CLCA4: variants seen among roughly 807,000 people sequenced by gnomAD.
CLCA4 encodes the protein chloride channel accessory 4, also known as calcium-activated chloride channel regulator 4.
A neutral mutation model predicts 78.9 loss-of-function variants in CLCA4; 69 were observed. The ratio of observed to expected loss-of-function variants is 0.87; its 90% CI spans 0.72 to 1.07. The LOEUF (loss-of-function observed/expected upper bound fraction) is 1.07. Among genes scored for constraint, CLCA4 ranks in the 50% least tolerant of loss-of-function variants. The pLI, the probability that CLCA4 is intolerant of heterozygous loss-of-function variation, is 0.00. For missense variants in CLCA4, 1,133 were observed against 1,095.8 expected, an observed-to-expected ratio of 1.03 and a Z score of -0.48; for synonymous variants, 362 against 375.8, an observed-to-expected ratio of 0.96 and a Z score of 0.42.
intron 5 of CLCA4, 113 bp downstream of exon 5, chr1:86,565,564 T>A: frequency 3.6e-6 from 3 of 842,130 alleles, no homozygotes; most frequent in Non-Finnish European, 5.5e-6. Flanking sequence ...TAGAGTTCTT[T>A]GAACACTGGC....
At chr1:86,547,391 T>C (rs1017191278) in intron 1 of CLCA4, 113 bp downstream of exon 1, 40 of 776,030 alleles carry the variant, frequency 5.2e-5, no homozygotes, top group Middle Eastern at 4.0e-4. Flanking sequence ...TATACATGTA[T>C]ACAATTTGTA....
intron 1 of CLCA4, among the ~76,000 whole-genome samples, chr1:86,551,256 T>TA (rs1443683690): frequency 6.6e-6 from 1 of 152,234 alleles, no homozygotes; most frequent in East Asian, 1.9e-4. Flanking sequence ...TTCTTGCTTT[T>TA]AAAAAACCCA....
At chr1:86,555,706 T>C (rs1649819864) in intron 1 of CLCA4, among the ~76,000 whole-genome samples, 1 of 152,242 alleles carries the variant, frequency 6.6e-6, no homozygotes, top group Non-Finnish European at 1.5e-5. Flanking sequence ...ATATGAATTT[T>C]AAAATAGTTT....
In CLCA4 at chr1:86,560,315, T is replaced by G; in HGVS notation, c.405T>G (p.Pro135=). 1 of 1,612,956 alleles carries G rather than the reference T, an allele frequency of 6.2e-7. No homozygotes were observed. Among genetic ancestry groups the G allele is most frequent in the Non-Finnish European group, 8.5e-7 (1 of 1,179,902 alleles). ...GEKGEYIHFT[P]DLLLGKKQNE... ...AAGGCGAATACATTCACTTCACCCC[T>G]GACCTTCTACTTGGAAAAAAACAAA... is the stretch of plus-strand genomic sequence containing the variant. Residue 135 remains proline, a synonymous_variant, in exon 3 of 14, where the codon CCT becomes CCG. Coordinates refer to ENST00000370563, the MANE Select transcript of CLCA4 (RefSeq NM_012128.4).
intron 5 of CLCA4, 36 bp downstream of exon 5, chr1:86,565,487 T>C (rs374848221): frequency 1.1e-5 from 16 of 1,435,938 alleles, no homozygotes; most frequent in African/African-American, 2.8e-5. Flanking sequence ...GAATTTATAA[T>C]CAAATGACAT....
At chr1:86,575,308 C>T in intron 10 of CLCA4, 24 bp from the exon 11 acceptor site, 1 of 1,593,894 alleles carries the variant, frequency 6.3e-7, no homozygotes, top group African/African-American at 1.3e-5. Context: ...TGGATACTTA[C>T]TATATTTCTG....
intron 7 of CLCA4, among the ~76,000 whole-genome samples, chr1:86,570,865 A>T (rs746435050): frequency 1.3e-5 from 2 of 152,102 alleles, no homozygotes; most frequent in Non-Finnish European, 2.9e-5. Flanking sequence ...AATTCCTTTA[A>T]ATAAATACTA....
Position 86,571,215 on chromosome 1 carries a change from G to A in CLCA4, c.1321G>A (p.Ala441Thr), listed in dbSNP as rs778979560. The A allele has an allele frequency of 2.5e-6, 4 of 1,612,724 alleles. No homozygotes were observed. The Admixed American group carries it at 6.7e-5, about 27-fold the overall frequency. The stretch of plus-strand genomic sequence containing the variant: ...TGTTCATTTTATTGCTTTGGGAAGA[G>A]CTGCTGATGAAGCAGTAATAGAGAT... ...AIVHFIALGR[A>T]ADEAVIEMSK... is the part of the protein sequence containing the mutation. Residue 441 changes from alanine to threonine, a missense_variant, in exon 8 of 14, where the codon GCT (alanine) becomes ACT (threonine). Transcript: ENST00000370563.
chr1:86,565,339 G>A lies in CLCA4; in HGVS notation c.623G>A (p.Arg208Lys), dbSNP rs1349737585. ...YKCQGGSCLS[R>K]ACRIDSTTKL... ...TGTCAAGGAGGCAGCTGTCTTAGTAGAGCATGCAGAATTGATTCTACAACA... is the reference window on the plus strand; with the variant it reads ...TGTCAAGGAGGCAGCTGTCTTAGTAAAGCATGCAGAATTGATTCTACAACA... Residue 208 changes from arginine to lysine, a missense_variant, in exon 5 of 14, where the codon AGA (arginine) becomes AAA (lysine). By Grantham distance (26) the Arg-to-Lys change is conservative (BLOSUM62 2). Transcript: ENST00000370563. The A allele has an allele frequency of 1.9e-6, 3 of 1,610,276 alleles. No homozygotes were observed. Among genetic ancestry groups the A allele is most frequent in the South Asian group, 1.1e-5 (1 of 90,806 alleles).
At position 86,563,743 on chromosome 1, in the gene CLCA4, TA is replaced by T; in HGVS notation, c.533del (p.Lys178SerfsTer60). On this transcript the variant is annotated frameshift_variant, in exon 4 of 14. Coordinates refer to ENST00000370563, the MANE Select transcript of CLCA4 (RefSeq NM_012128.4). LOFTEE classifies it high-confidence loss of function. The stretch of plus-strand genomic sequence containing the variant: ...ATGAAGATCAGCCTTTCTACCGTGC[TA>T]AGTCAAAAAAAATCGAAGCAACAAG... ...YNEDQPFYRA[K>X]SKKIEATRCS... The T allele has an allele frequency of 6.2e-7, 1 of 1,608,168 alleles. No homozygotes were observed. The highest frequency in any genetic ancestry group is 8.5e-7 in the Non-Finnish European group (1 of 1,176,316).
chr1:86,573,292 C>T (rs1003033230), intron 9 of CLCA4, among the ~76,000 whole-genome samples: 9 of 151,814 alleles, frequency 5.9e-5, no homozygotes, highest in African/African-American at 2.2e-4. Context: ...AACACTTTTG[C>T]TCATCTGGGT....
chr1:86,554,594 A>G (rs1279459681), intron 1 of CLCA4, among the ~76,000 whole-genome samples: 1 of 152,134 alleles, frequency 6.6e-6, no homozygotes, highest in Non-Finnish European at 1.5e-5. Context: ...CCAATCTGTT[A>G]TTGATGGGCA....
chr1:86,555,206 G>A (rs1246837244), intron 1 of CLCA4, among the ~76,000 whole-genome samples: 4 of 152,104 alleles, frequency 2.6e-5, no homozygotes, highest in Admixed American at 6.5e-5. Context: ...AAGCTCTTAA[G>A]TTTAATTAGA....
In CLCA4 at chr1:86,577,864, C is replaced by G. The variant is rs776353566; in HGVS notation, c.1952-38C>G. The G allele has an allele frequency of 3.8e-6, 6 of 1,573,154 alleles. No homozygotes were observed. The South Asian group carries it at 7.1e-5, about 19-fold the overall frequency. On this transcript the variant is annotated intron_variant, in intron 11 of 13. Transcript: ENST00000370563. ...GCTTGTCTTAGAAAATGCAAAATTT[C>G]TCTTTACAAGACTTTATTCCTTCAT...
In CLCA4 at chr1:86,574,714, A is replaced by T. The variant is rs1650457686; in HGVS notation, c.1642A>T (p.Thr548Ser). ...TIMENFTVDATSKMAYLSIPG... is the reference protein window; with the variant it reads ...TIMENFTVDASSKMAYLSIPG... ...AATGGAAAATTTCACAGTGGATGCA[A>T]CTTCCAAAATGGCCTATCTCAGTAT... Residue 548 changes from threonine to serine, a missense_variant, in exon 10 of 14, where the codon ACT becomes TCT. Physicochemically the swap from Thr to Ser is moderately conservative, Grantham distance 58 (BLOSUM62 1). Transcript: ENST00000370563. 6.2e-7 allele frequency: 1 copy of T among 1,613,174 alleles called. No homozygotes were observed. The highest frequency in any genetic ancestry group is 8.5e-7 in the Non-Finnish European group (1 of 1,179,528).
chr1:86,561,450 TA>T (rs1650016637), intron 3 of CLCA4, among the ~76,000 whole-genome samples: 1 of 152,216 alleles, frequency 6.6e-6, no homozygotes, highest in South Asian at 2.1e-4. Flanking sequence ...ATTATAAAAC[TA>T]AGTGACATGA....
At position 86,560,909 on chromosome 1, in the gene CLCA4, T is replaced by C. The variant is rs190805970; in HGVS notation, c.448+551T>C. On this transcript the variant is annotated intron_variant, in intron 3 of 13. Transcript: ENST00000370563. ...TATAAAAATGGCAATGTCATCTAGTTCAATCTAAATGCTAAAATAATTTGT... is the reference window on the plus strand; with the variant it reads ...TATAAAAATGGCAATGTCATCTAGTCCAATCTAAATGCTAAAATAATTTGT... 1.8e-3 allele frequency among the ~76,000 whole-genome samples: 279 copies of C among 152,326 alleles called. 1 individual carries two copies. The highest frequency in any genetic ancestry group is 6.4e-3 in the African/African-American group (267 of 41,578).
At chr1:86,560,167 C>T (rs1011214546) in intron 2 of CLCA4, 44 bp from the exon 3 acceptor site, 1 of 1,574,398 alleles carries the variant, frequency 6.4e-7, no homozygotes, top group Non-Finnish European at 8.6e-7. Flanking sequence ...TGAATATTAT[C>T]TTTTTTATTT....
At chr1:86,549,643 G>T (rs1222719791) in intron 1 of CLCA4, among the ~76,000 whole-genome samples, 2 of 152,194 alleles carry the variant, frequency 1.3e-5, no homozygotes, top group Non-Finnish European at 2.9e-5. Flanking sequence ...GATTGTTAAA[G>T]TGATATGGTG....
Sources: allele counts gnomAD v4.1 joint callset (sites outside exome capture counted in the v4.1 genomes callset), GRCh38; gene constraint gnomAD v4.1.1; transcripts MANE v1.5; gene names NCBI Gene and HGNC (gene_info 2026-07-23, HGNC 2026-07-21).